Variants in AP2B1 observed in about 807,000 individuals in gnomAD.
AP2B1 encodes adaptor related protein complex 2 subunit beta 1.
A neutral mutation model predicts 102.0 loss-of-function variants in AP2B1; 23 were observed. The ratio of observed to expected loss-of-function variants is 0.23; its 90% CI spans 0.16 to 0.32. The LOEUF (loss-of-function observed/expected upper bound fraction) is 0.32. AP2B1 is among the 10% of genes least tolerant of loss of function. AP2B1 has a pLI of 1.00. For synonymous variants in AP2B1, 381 were observed against 421.2 expected, an observed-to-expected ratio of 0.90 and a Z score of 1.17; for missense variants, 541 against 1,157.4, an observed-to-expected ratio of 0.47 and a Z score of 7.73.
At chr17:35,637,140 A>C (rs1449692571) in intron 10 of AP2B1, among the ~76,000 whole-genome samples, 2 of 152,348 alleles carry the variant, frequency 1.3e-5, no homozygotes, top group East Asian at 3.9e-4. Context: ...AAATAAAAGC[A>C]GGTTTTATAA....
In AP2B1 at chr17:35,641,789, A is replaced by T. The variant is rs542954543; in HGVS notation, c.1438-88A>T. 37 of 924,362 alleles carry T rather than the reference A, an allele frequency of 4.0e-5. No individual in the cohort carries two copies. The African/African-American group carries it at 4.2e-4, about 10-fold the overall frequency. The allele number at this position is 924,362 out of a possible 1,614,324, so 57.3% of individuals were successfully genotyped here. ...AATCAGAAAGGCTCCATAGTAATTCATAGTTGGGGAAACACCACTTTGGAG... is the reference window on the plus strand; with the variant it reads ...AATCAGAAAGGCTCCATAGTAATTCTTAGTTGGGGAAACACCACTTTGGAG... On this transcript the variant is annotated intron_variant, in intron 11 of 21. Coordinates refer to ENST00000610402, the MANE Select transcript of AP2B1 (RefSeq NM_001030006.2).
At chr17:35,622,963 C>A (rs1285618231) in intron 5 of AP2B1, among the ~76,000 whole-genome samples, 2 of 152,160 alleles carry the variant, frequency 1.3e-5, no homozygotes, top group Non-Finnish European at 2.9e-5. Context: ...CCACGCCCAG[C>A]CAACTTATAC....
At chr17:35,606,427 A>G (rs1296232033) in intron 4 of AP2B1, among the ~76,000 whole-genome samples, 2 of 151,928 alleles carry the variant, frequency 1.3e-5, no homozygotes, top group African/African-American at 2.4e-5. Flanking sequence ...TTTAGTAGAG[A>G]CAGGGTTTCA....
At chr17:35,588,989 G>A (rs571127066) in intron 1 of AP2B1, among the ~76,000 whole-genome samples, 39 of 152,242 alleles carry the variant, frequency 2.6e-4, no homozygotes, top group African/African-American at 9.4e-4. Flanking sequence ...AATAGGGCAC[G>A]TTCTCCTTTC....
intron 14 of AP2B1, chr17:35,660,099 T>G: frequency 1.0e-6 from 1 of 981,934 alleles, no homozygotes; most frequent in Non-Finnish European, 1.2e-6. Context: ...CAAAATAAAT[T>G]ATATACCTTG....
intron 18 of AP2B1, among the ~76,000 whole-genome samples, chr17:35,701,531 T>C (rs2076238860): frequency 6.6e-6 from 1 of 152,212 alleles, no homozygotes; most frequent in Admixed American, 6.5e-5. Context: ...TCCTTCACAG[T>C]ATGTGTCCAT....
At chr17:35,637,688 A>G (rs1444770300) in intron 10 of AP2B1, among the ~76,000 whole-genome samples, 1 of 115,710 alleles carries the variant, frequency 8.6e-6, no homozygotes, top group African/African-American at 3.2e-5. Context: ...GTCGGTTTCT[A>G]AATTTTTTTT....
chr17:35,694,324 T>C (rs1376708017), intron 18 of AP2B1, among the ~76,000 whole-genome samples: 5 of 151,678 alleles, frequency 3.3e-5, no homozygotes, highest in Admixed American at 3.3e-4. Flanking sequence ...GCTCACTGCA[T>C]CCTCAACCTC....
intron 1 of AP2B1, among the ~76,000 whole-genome samples, chr17:35,592,842 C>T (rs746561286): frequency 1.6e-4 from 25 of 152,050 alleles, no homozygotes; most frequent in Admixed American, 1.4e-3. Context: ...TGCCTGGCCC[C>T]AAAATTTTAA....
At chr17:35,637,905 G>C (rs113495702) in intron 10 of AP2B1, among the ~76,000 whole-genome samples, 1 of 151,826 alleles carries the variant, frequency 6.6e-6, no homozygotes, top group Non-Finnish European at 1.5e-5. Flanking sequence ...GGCTGGTCTC[G>C]AACTTCTGAC....
intron 12 of AP2B1, among the ~76,000 whole-genome samples, chr17:35,644,572 A>G (rs1421034646): frequency 2.0e-5 from 3 of 146,632 alleles, no homozygotes; most frequent in Non-Finnish European, 4.5e-5. Flanking sequence ...TCCAGTAGAG[A>G]TGAGGGTTCA....
At chr17:35,710,194 C>T (rs782234674) in intron 19 of AP2B1, 40 bp from the exon 20 acceptor site, 1 of 1,409,422 alleles carries the variant, frequency 7.1e-7, no homozygotes, top group Non-Finnish European at 1.0e-6. Context: ...ATACTGACAG[C>T]TTATGCACAT....
rs2073405343 is a variant in AP2B1, at chr17:35,599,500, G to C, written c.143+1165G>C. ...GTGAAATTAATGATTGTGATTATTTGCTGTTTTATAATGAAATGTGTCAGC... is the reference window on the plus strand; with the variant it reads ...GTGAAATTAATGATTGTGATTATTTCCTGTTTTATAATGAAATGTGTCAGC... On this transcript the variant is annotated intron_variant, in intron 3 of 21. Transcript: ENST00000610402. Among the ~76,000 whole-genome samples, 3 of 152,316 alleles carry C rather than the reference G, an allele frequency of 2.0e-5. No homozygotes were observed. The South Asian group carries it at 6.2e-4, about 32-fold the overall frequency.
At chr17:35,719,776 G>A (rs1555591841) in intron 21 of AP2B1, among the ~76,000 whole-genome samples, 2 of 152,150 alleles carry the variant, frequency 1.3e-5, no homozygotes, top group Non-Finnish European at 2.9e-5. Flanking sequence ...TGGGAGGATC[G>A]CTTGAGGACA....
At chr17:35,598,657 A>C (rs1351420829) in intron 3 of AP2B1, among the ~76,000 whole-genome samples, 1 of 152,232 alleles carries the variant, frequency 6.6e-6, no homozygotes, top group African/African-American at 2.4e-5. Flanking sequence ...AAGATGATAA[A>C]AATACACTGA....
At chr17:35,718,592 A>G (rs1386367747) in intron 21 of AP2B1, among the ~76,000 whole-genome samples, 2 of 152,088 alleles carry the variant, frequency 1.3e-5, no homozygotes, top group Admixed American at 1.3e-4. Flanking sequence ...ACATGCCTGT[A>G]ATCCCAGCTA....
At chr17:35,691,244 A>G (rs1232364217) in intron 18 of AP2B1, among the ~76,000 whole-genome samples, 2 of 152,146 alleles carry the variant, frequency 1.3e-5, no homozygotes, top group Admixed American at 1.3e-4. Context: ...TGTCAGCCAA[A>G]TTTTGCTGGT....
chr17:35,709,766 T>C (rs751838237), intron 19 of AP2B1, among the ~76,000 whole-genome samples: 15 of 152,164 alleles, frequency 9.9e-5, no homozygotes, highest in Non-Finnish European at 2.1e-4. Flanking sequence ...AATTCAGTAA[T>C]TTGTAATAAA....
intron 2 of AP2B1, among the ~76,000 whole-genome samples, chr17:35,597,716 T>C (rs983660605): frequency 6.6e-6 from 1 of 152,162 alleles, no homozygotes; most frequent in African/African-American, 2.4e-5. Flanking sequence ...GTAATATTAG[T>C]GTGTGGCCAG....
Sources: allele counts gnomAD v4.1 joint callset (sites outside exome capture counted in the v4.1 genomes callset), GRCh38; gene constraint gnomAD v4.1.1; transcripts MANE v1.5; gene names NCBI Gene and HGNC (gene_info 2026-07-23, HGNC 2026-07-21).